MBD5: variants seen among roughly 807,000 people sequenced by gnomAD.
MBD5 encodes the protein methyl-CpG-binding domain protein 5.
Under a neutral mutation model 117.3 loss-of-function variants are expected in MBD5, and 13 were observed. The ratio of observed to expected loss-of-function variants is 0.11; its 90% CI spans 0.07 to 0.18. The LOEUF (loss-of-function observed/expected upper bound fraction) is 0.18. MBD5 is among the 10% of genes least tolerant of loss of function. The pLI, the probability that MBD5 is intolerant of heterozygous loss-of-function variation, is 1.00. For synonymous variants in MBD5, 727 were observed against 766.4 expected (o/e 0.95, Z 0.85); for missense variants, 1,879 against 2,093.8 (o/e 0.90, Z 2.00).
At chr2:148,133,141 G>A (rs1178641187) in intron 1 of MBD5, among the ~76,000 whole-genome samples, 2 of 152,224 alleles carry the variant, frequency 1.3e-5, no homozygotes, top group Admixed American at 6.5e-5. Context: ...ACATAATTTA[G>A]AGGGATTATG....
In MBD5 at chr2:148,376,493, T is replaced by A. The variant is rs547169379; in HGVS notation, c.-557+34157T>A. On this transcript the variant is annotated intron_variant, in intron 4 of 13. Transcript: ENST00000642680. ...TGTGTCAGCCAGGATGGTCTCAATC[T>A]CCTGACCTTGTGATCCACCCACCTC... 3.8e-4 allele frequency among the ~76,000 whole-genome samples: 57 copies of A among 150,516 alleles called. No individual in the cohort carries two copies. In the South Asian group the frequency reaches 0.012, roughly 31 times the overall value.
chr2:148,088,468 A>G (rs1296719168), intron 1 of MBD5, among the ~76,000 whole-genome samples: 1 of 152,196 alleles, frequency 6.6e-6, no homozygotes, highest in Admixed American at 6.5e-5. Flanking sequence ...CTAAAGCATC[A>G]GGTAACCTAT....
At chr2:148,286,907 G>T (rs1338420381) in intron 3 of MBD5, among the ~76,000 whole-genome samples, 1 of 151,984 alleles carries the variant, frequency 6.6e-6, no homozygotes, top group Non-Finnish European at 1.5e-5. Context: ...TTTAACTGTG[G>T]GAATAATGAA....
At chr2:148,031,178 A>G (rs1173066757) in intron 1 of MBD5, among the ~76,000 whole-genome samples, 1 of 152,206 alleles carries the variant, frequency 6.6e-6, no homozygotes, top group Non-Finnish European at 1.5e-5. Flanking sequence ...ATATTTTTGT[A>G]ATGTTTTCTA....
chr2:148,227,905 GCT>G (rs1465746440), intron 2 of MBD5, among the ~76,000 whole-genome samples: 2 of 151,918 alleles, frequency 1.3e-5, no homozygotes, highest in Non-Finnish European at 2.9e-5. Context: ...TCATGATTTG[GCT>G]CTCTGTCTGT....
intron 3 of MBD5, among the ~76,000 whole-genome samples, chr2:148,257,356 A>G (rs897648460): frequency 6.6e-6 from 1 of 152,230 alleles, no homozygotes; most frequent in African/African-American, 2.4e-5. Flanking sequence ...GAACGGTTTT[A>G]TCATTTGAGC....
At chr2:148,293,849 A>C (rs1240149400) in intron 3 of MBD5, among the ~76,000 whole-genome samples, 5 of 152,188 alleles carry the variant, frequency 3.3e-5, no homozygotes, top group Non-Finnish European at 7.3e-5. Context: ...ATTTTGTCAC[A>C]TGCTTATTCT....
At chr2:148,122,547 A>T (rs952784845) in intron 1 of MBD5, among the ~76,000 whole-genome samples, 5 of 152,200 alleles carry the variant, frequency 3.3e-5, no homozygotes, top group African/African-American at 1.2e-4. Flanking sequence ...ATGTTTAAAA[A>T]TTTGATATTT....
intron 4 of MBD5, among the ~76,000 whole-genome samples, chr2:148,372,513 A>ATGAT (rs1456445954): frequency 6.6e-6 from 1 of 151,990 alleles, no homozygotes; most frequent in Non-Finnish European, 1.5e-5. Flanking sequence ...TGGCCTACTA[A>ATGAT]TGATAGATCA....
At chr2:148,100,731 T>C (rs796467265) in intron 1 of MBD5, among the ~76,000 whole-genome samples, 25 of 152,320 alleles carry the variant, frequency 1.6e-4, no homozygotes, top group African/African-American at 5.5e-4. Context: ...AGAACAAATA[T>C]GTCAAGAGGA....
At chr2:148,418,391 A>G (rs1055416727) in intron 4 of MBD5, among the ~76,000 whole-genome samples, 5 of 152,184 alleles carry the variant, frequency 3.3e-5, no homozygotes, top group African/African-American at 1.2e-4. Context: ...AGAAAAATAA[A>G]TAAAGGGTAT....
chr2:148,429,695 A>G (rs1479538955), intron 4 of MBD5, among the ~76,000 whole-genome samples: 1 of 152,312 alleles, frequency 6.6e-6, no homozygotes, highest in Middle Eastern at 3.4e-3. Flanking sequence ...TGTCCTTTGC[A>G]GGGACATAGA....
chr2:148,351,169 T>G (rs1020655241), intron 4 of MBD5, among the ~76,000 whole-genome samples: 1 of 152,052 alleles, frequency 6.6e-6, no homozygotes, highest in South Asian at 2.1e-4. Context: ...ATTTAATATT[T>G]TTTACAATTT....
chr2:148,462,709 A>T, intron 6 of MBD5, 25 bp downstream of exon 6: 2 of 1,416,850 alleles, frequency 1.4e-6, no homozygotes, highest in South Asian at 2.3e-5. Flanking sequence ...ATAGATCTAC[A>T]GCAGTGTTTT....
At chr2:148,153,156 A>G (rs551459411) in intron 1 of MBD5, among the ~76,000 whole-genome samples, 1 of 150,980 alleles carries the variant, frequency 6.6e-6, no homozygotes, top group African/African-American at 2.4e-5. Context: ...ATCTCTCAGC[A>G]TTTGCTTGTC....
At chr2:148,046,715 GGTAGTAA>G (rs1348952783) in intron 1 of MBD5, among the ~76,000 whole-genome samples, 3 of 152,084 alleles carry the variant, frequency 2.0e-5, no homozygotes, top group Admixed American at 6.5e-5. Flanking sequence ...ACTAGAGAAT[GGTAGTAA>G]GTAATCTCCT....
chr2:148,162,462 AAATT>A (rs1698028890), intron 1 of MBD5, among the ~76,000 whole-genome samples: 1 of 152,244 alleles, frequency 6.6e-6, no homozygotes, highest in Non-Finnish European at 1.5e-5. Flanking sequence ...CTGTCATGAT[AAATT>A]GTTTAGAAAA....
chr2:148,182,426 G>A (rs1030649418), intron 2 of MBD5, among the ~76,000 whole-genome samples: 1 of 152,060 alleles, frequency 6.6e-6, no homozygotes, highest in Non-Finnish European at 1.5e-5. Flanking sequence ...ATACACTGTT[G>A]TGTTTGGTTA....
At chr2:148,328,450 C>T (rs1262065978) in intron 3 of MBD5, among the ~76,000 whole-genome samples, 1 of 152,222 alleles carries the variant, frequency 6.6e-6, no homozygotes. Flanking sequence ...CTCGCTGCTG[C>T]CTTGCAGTTT....
Sources: gnomAD v4.1 joint callset for allele counts (sites outside exome capture counted in the v4.1 genomes callset) on GRCh38, gnomAD v4.1.1 for gene constraint, MANE v1.5 for transcripts, NCBI Gene and HGNC (gene_info 2026-07-23, HGNC 2026-07-21) for gene names.